SORL1: variants seen among roughly 807,000 people sequenced by gnomAD.
The protein encoded by SORL1 is sortilin-related receptor.
SORL1 carries 127 observed loss-of-function variants against 273.7 expected under a neutral mutation model. The ratio of observed to expected loss-of-function variants is 0.46; its 90% confidence interval spans 0.40 to 0.54. SORL1 has a LOEUF of 0.54. Among genes scored for constraint, SORL1 ranks in the 20% least tolerant of loss-of-function variants. The pLI, the probability that SORL1 is intolerant of heterozygous loss-of-function variation, is 0.00. For synonymous variants in SORL1, 1,031 were observed against 1,067.4 expected, an observed-to-expected ratio of 0.97 and a Z score of 0.66; for missense variants, 2,494 against 2,846.1, an observed-to-expected ratio of 0.88 and a Z score of 2.81.
chr11:121,627,410 A>T lies in SORL1; in HGVS notation c.6365-145A>T. On this transcript the variant is annotated intron_variant, in intron 46 of 47. Coordinates refer to ENST00000260197, the MANE Select transcript of SORL1 (RefSeq NM_003105.6). This position sits in a 1 kb window ranked among gnomAD's most constrained non-coding sequence, Gnocchi z 4.9. ...GGGGAAGCAATCAGGCATCACGCACATGCAGAAACGTCTCACACCAGACAG... is the reference window on the plus strand; with the variant it reads ...GGGGAAGCAATCAGGCATCACGCACTTGCAGAAACGTCTCACACCAGACAG... 4.4e-6 allele frequency: 3 copies of T among 677,156 alleles called. No individual in the cohort carries two copies. The highest frequency in any genetic ancestry group is 7.8e-6 in the Non-Finnish European group (3 of 382,712). The allele number at this position is 677,156 out of a possible 1,614,324, so 41.9% of individuals were successfully genotyped here.
chr11:121,478,447 G>T (rs542437767), intron 3 of SORL1, among the ~76,000 whole-genome samples: 2 of 152,208 alleles, frequency 1.3e-5, no homozygotes, highest in Admixed American at 1.3e-4. Context: ...GCAGGCCAAG[G>T]ACTGGTCAGG....
chr11:121,626,522 G>A (rs1390949235), intron 46 of SORL1: 1 of 151,988 alleles, frequency 6.6e-6, no homozygotes, highest in South Asian at 2.1e-4. Context: ...TGAATTGTTA[G>A]ATTAGGTTTG....
rs950757466 is a variant in SORL1 at position 121,596,999 on chromosome 11, A to G, written c.4519+1227A>G. ...TACAAAATTTATGGGACTTAGCAGG[A>G]TCATGTGGAAGTGCTTATAAGAGAT... On this transcript the variant is annotated intron_variant, in intron 32 of 47. Coordinates refer to ENST00000260197, the MANE Select transcript of SORL1 (RefSeq NM_003105.6). The surrounding 1 kb of genome is among the most constrained non-coding windows in gnomAD (Gnocchi z 4.3). Among the ~76,000 whole-genome samples, 2 of 152,182 alleles carry G rather than the reference A, an allele frequency of 1.3e-5. No individual in the cohort carries two copies. The highest frequency in any genetic ancestry group is 4.8e-5 in the African/African-American group (2 of 41,440).
intron 12 of SORL1, 41 bp from the exon 13 acceptor site, chr11:121,543,507 A>G (rs1184598290): frequency 9.7e-6 from 15 of 1,551,466 alleles, no homozygotes; most frequent in Non-Finnish European, 1.3e-5. Context: ...TTTGCCTTAG[A>G]GACTTTCACT....
At chr11:121,514,123 C>T (rs202072147) in intron 7 of SORL1, 29 bp from the exon 8 acceptor site, 58 of 1,603,168 alleles carry the variant, frequency 3.6e-5, no homozygotes, top group East Asian at 4.5e-5. Context: ...TGTTTTTTGA[C>T]GTATCTTTTT....
intron 39 of SORL1, 157 bp from the exon 40 acceptor site, chr11:121,612,579 A>G (rs767774890): frequency 3.9e-5 from 22 of 569,452 alleles, no homozygotes; most frequent in Non-Finnish European, 6.8e-5. Flanking sequence ...TAGCACAAGT[A>G]GAACCTGTTT....
At chr11:121,538,472 T>C (rs1335044045) in intron 12 of SORL1, among the ~76,000 whole-genome samples, 1 of 152,192 alleles carries the variant, frequency 6.6e-6, no homozygotes, top group Admixed American at 6.5e-5. Context: ...TTGAGATTTA[T>C]CAATCTTTTA....
intron 7 of SORL1, 86 bp from the exon 8 acceptor site, chr11:121,514,066 G>C: frequency 1.4e-6 from 2 of 1,414,314 alleles, no homozygotes; most frequent in East Asian, 4.7e-5. Context: ...TAGAACATTT[G>C]AAAGTCATTG....
rs1459010843 is a variant in SORL1, at chr11:121,558,650, A to G, written c.2723A>G (p.Asp908Gly). ...LKPGIYRSNM[D>G]GSAAYHLVSE... ...CCTGGGATTTATCGGAGCAATATGG[A>G]TGGTTCTGCTGCCTATCACCTGGTG... The change falls in exon 20 of 48, where the codon GAT (aspartate) becomes GGT (glycine). Residue 908 changes from aspartate (D) to glycine (G), a missense_variant. Transcript: ENST00000260197. 1.2e-6 allele frequency: 2 copies of G among 1,613,940 alleles called. No homozygotes were observed. Among genetic ancestry groups the G allele is most frequent in the South Asian group, 1.1e-5 (1 of 91,060 alleles).
chr11:121,589,897 G>A, intron 29 of SORL1, 143 bp from the exon 30 acceptor site: 2 of 914,066 alleles, frequency 2.2e-6, no homozygotes, highest in Non-Finnish European at 3.4e-6. Context: ...TCCCCATTGG[G>A]TCCATGAAGC....
rs781672617 is a variant in SORL1 at position 121,618,845 on chromosome 11, C to T, written c.5676C>T (p.Leu1892=). 6.2e-7 allele frequency: 1 copy of T among 1,614,124 alleles called. No homozygotes were observed. The highest frequency in any genetic ancestry group is 1.1e-5 in the South Asian group (1 of 91,086). ...YRNPKSLTTS[L]HNKTVIVSKD... ...ACCCGAAGAGCTTGACTACTTCACT[C>T]CACAACAAGACGGTCATTGTCAGTA... The change falls in exon 42 of 48, where the codon CTC becomes CTT. Residue 1892 remains leucine (L), a synonymous_variant. Coordinates refer to ENST00000260197, the MANE Select transcript of SORL1 (RefSeq NM_003105.6).
intron 23 of SORL1, among the ~76,000 whole-genome samples, chr11:121,571,714 C>G (rs1383684003): frequency 1.3e-5 from 2 of 152,218 alleles, no homozygotes; most frequent in Non-Finnish European, 2.9e-5. Context: ...ACATCTGGGC[C>G]CTGCAATCCT....
rs189565365 is a variant in SORL1 at position 121,612,874 on chromosome 11, A to T, written c.5419+42A>T. 125 of 1,420,784 alleles carry T rather than the reference A, an allele frequency of 8.8e-5. No individual in the cohort carries two copies. In the African/African-American group the frequency reaches 1.6e-3, roughly 18 times the overall value. The allele number at this position is 1,420,784 out of a possible 1,614,324, so 88.0% of individuals were successfully genotyped here. A position where few individuals can be genotyped will look rare whatever the true frequency, so the allele number is the denominator to read the frequency against. ...GGTCAGTGTGTGTGCAGGAAGGGGTAAGGCTGGACCAATGCTTTCCCGCTG... is the reference window on the plus strand; with the variant it reads ...GGTCAGTGTGTGTGCAGGAAGGGGTTAGGCTGGACCAATGCTTTCCCGCTG... On this transcript the variant is annotated intron_variant, in intron 40 of 47. Coordinates refer to ENST00000260197, the MANE Select transcript of SORL1 (RefSeq NM_003105.6).
intron 23 of SORL1, among the ~76,000 whole-genome samples, chr11:121,573,968 C>A (rs1862885972): frequency 2.0e-5 from 3 of 152,214 alleles, no homozygotes. Flanking sequence ...CCTAGCCTGT[C>A]ACTCTCTCTC....
intron 6 of SORL1, among the ~76,000 whole-genome samples, chr11:121,509,564 C>T (rs565301201): frequency 6.6e-6 from 1 of 152,244 alleles, no homozygotes; most frequent in South Asian, 2.1e-4. Context: ...GCAACCTCCG[C>T]CTCCTGGGTT....
chr11:121,529,438 A>C (rs531524065), intron 11 of SORL1, among the ~76,000 whole-genome samples: 1 of 152,244 alleles, frequency 6.6e-6, no homozygotes, highest in South Asian at 2.1e-4. Flanking sequence ...GTTGGTCTTG[A>C]ACTCCTGACC....
intron 17 of SORL1, 49 bp from the exon 18 acceptor site, chr11:121,555,138 G>T (rs1270805942): frequency 8.3e-6 from 13 of 1,559,438 alleles, no homozygotes; most frequent in African/African-American, 4.1e-5. Context: ...ACTTGGCAGG[G>T]GGTCGTTTGA....
At chr11:121,507,504 T>TTAAA (rs1459172301) in intron 6 of SORL1, among the ~76,000 whole-genome samples, 1 of 152,146 alleles carries the variant, frequency 6.6e-6, no homozygotes, top group Non-Finnish European at 1.5e-5. Context: ...TTGACATGTC[T>TTAAA]TAAAGTTCAC....
At chr11:121,508,979 G>A (rs919159956) in intron 6 of SORL1, among the ~76,000 whole-genome samples, 1 of 152,084 alleles carries the variant, frequency 6.6e-6, no homozygotes, top group Admixed American at 6.6e-5. Flanking sequence ...ATGCTGATAT[G>A]ACCTCCCCAC....
Sources: allele counts gnomAD v4.1 joint callset (sites outside exome capture counted in the v4.1 genomes callset), GRCh38; gene constraint gnomAD v4.1.1; non-coding constraint Gnocchi (gnomAD v3.1); transcripts MANE v1.5; gene names NCBI Gene and HGNC (gene_info 2026-07-23, HGNC 2026-07-21).